PLEKHG7: variants seen among roughly 807,000 people sequenced by gnomAD.
PLEKHG7 encodes the protein pleckstrin homology domain-containing family G member 7.
A neutral mutation model predicts 85.2 loss-of-function variants in PLEKHG7; 77 were observed. The ratio of observed to expected loss-of-function variants is 0.90; its 90% confidence interval spans 0.75 to 1.09. The LOEUF (loss-of-function observed/expected upper bound fraction) is 1.09. Among genes scored for constraint, PLEKHG7 ranks in the 50% least tolerant of loss-of-function variants. The pLI is 0.00. For missense variants in PLEKHG7, 777 were observed against 804.3 expected (o/e 0.97, Z 0.41); for synonymous variants, 301 against 302.4 (o/e 1.00, Z 0.05).
intron 9 of PLEKHG7, among the ~76,000 whole-genome samples, chr12:92,744,131 C>T (rs959993952): frequency 6.6e-6 from 1 of 152,348 alleles, no homozygotes; most frequent in African/African-American, 2.4e-5. Context: ...GACTTTGTTA[C>T]TGTCACTTCT....
chr12:92,756,655 C>T (rs1466735323), intron 13 of PLEKHG7, among the ~76,000 whole-genome samples: 2 of 152,198 alleles, frequency 1.3e-5, no homozygotes, highest in African/African-American at 4.8e-5. Flanking sequence ...CATACAAGAA[C>T]AACTTCGCTC....
chr12:92,749,976 ATTT>A (rs1565794570), intron 10 of PLEKHG7, among the ~76,000 whole-genome samples: 90 of 93,266 alleles, frequency 9.6e-4, no homozygotes, highest in Middle Eastern at 6.7e-3. Flanking sequence ...TTTATATTTT[ATTT>A]TATTTTATTA....
At position 92,724,156 on chromosome 12, in the gene PLEKHG7, T is replaced by C. The variant is rs182566659; in HGVS notation, c.531-4837T>C. On this transcript the variant is annotated intron_variant, in intron 3 of 16. Coordinates refer to ENST00000344636, the MANE Select transcript of PLEKHG7 (RefSeq NM_001377329.1). Reference sequence around the variant, plus strand: ...TCGGAGCACTCAGCATTTTATGTTATGTAATACCTTCTGAAGACCATTATA... The same window carrying C: ...TCGGAGCACTCAGCATTTTATGTTACGTAATACCTTCTGAAGACCATTATA... Among the ~76,000 whole-genome samples the C allele has an allele frequency of 2.8e-4, 42 of 152,342 alleles. 1 individual carries two copies. Among genetic ancestry groups the C allele is most frequent in the Admixed American group, 2.2e-3 (33 of 15,298 alleles).
chr12:92,755,726 C>A, intron 11 of PLEKHG7, 99 bp from the exon 12 acceptor site: 1 of 789,952 alleles, frequency 1.3e-6, no homozygotes, highest in South Asian at 1.5e-5. Flanking sequence ...GCTCCAGGGG[C>A]AGCCAGTGTT....
intron 13 of PLEKHG7, among the ~76,000 whole-genome samples, chr12:92,758,209 T>C (rs2136625820): frequency 6.6e-6 from 1 of 152,368 alleles, no homozygotes; most frequent in African/African-American, 2.4e-5. Context: ...TTTGGTTCAC[T>C]CCTTCCCTCT....
chr12:92,761,586 G>A (rs1872993593), intron 13 of PLEKHG7, among the ~76,000 whole-genome samples, 166 bp from the exon 14 acceptor site: 1 of 135,702 alleles, frequency 7.4e-6, no homozygotes, highest in African/African-American at 2.8e-5. Context: ...GAAGGAAAGA[G>A]AGAATGAAAA....
At chr12:92,727,136 C>A (rs903143462) in intron 3 of PLEKHG7, among the ~76,000 whole-genome samples, 4 of 152,142 alleles carry the variant, frequency 2.6e-5, no homozygotes, top group African/African-American at 9.7e-5. Flanking sequence ...TCATCACAGC[C>A]CTCCCCTGCC....
chr12:92,740,072 A>G (rs548901572), intron 7 of PLEKHG7, among the ~76,000 whole-genome samples: 13 of 152,344 alleles, frequency 8.5e-5, no homozygotes, highest in African/African-American at 3.1e-4. Context: ...ACACTAATGA[A>G]ATAATACAGG....
chr12:92,745,205 A>T (rs148364563), intron 9 of PLEKHG7, among the ~76,000 whole-genome samples: 1 of 152,358 alleles, frequency 6.6e-6, no homozygotes, highest in East Asian at 1.9e-4. Flanking sequence ...AAATCAAGAC[A>T]GCCTAAATAG....
intron 10 of PLEKHG7, among the ~76,000 whole-genome samples, chr12:92,751,377 T>A (rs1872686162): frequency 6.6e-6 from 1 of 152,124 alleles, no homozygotes; most frequent in Non-Finnish European, 1.5e-5. Context: ...AGGAGAAGAT[T>A]GAATTGTAGA....
chr12:92,747,027 A>T (rs919680136), intron 10 of PLEKHG7, among the ~76,000 whole-genome samples: 26 of 152,340 alleles, frequency 1.7e-4, no homozygotes, highest in African/African-American at 6.3e-4. Context: ...AAAATAGACA[A>T]ATAGTACTAT....
chr12:92,707,368 GGCACTTTGAGAAAGGAT>G, intron 2 of PLEKHG7: 2 of 1,428,740 alleles, frequency 1.4e-6, no homozygotes, highest in Non-Finnish European at 1.8e-6. Flanking sequence ...TGTCCTTAGA[GGCACTTTGAGAAAGGAT>G]GCACCAAGGC....
chr12:92,729,618 T>A (rs1274399989), intron 4 of PLEKHG7, among the ~76,000 whole-genome samples: 1 of 152,052 alleles, frequency 6.6e-6, no homozygotes, highest in Non-Finnish European at 1.5e-5. Flanking sequence ...TGCATCTTCA[T>A]CTCATTTGTG....
intron 3 of PLEKHG7, among the ~76,000 whole-genome samples, chr12:92,711,340 G>A (rs1027844961): frequency 1.3e-5 from 2 of 152,192 alleles, no homozygotes; most frequent in Non-Finnish European, 2.9e-5. Flanking sequence ...CATTGGTGCA[G>A]ACTGGGGGAG....
chr12:92,745,608 T>C lies in PLEKHG7; in HGVS notation c.1251+17T>C. The C allele has an allele frequency of 3.2e-6, 5 of 1,573,766 alleles. No homozygotes were observed. Among genetic ancestry groups the C allele is most frequent in the Non-Finnish European group, 4.4e-6 (5 of 1,144,210 alleles). ...TATTTAAAAGTAAAGTATCATTTTC[T>C]TTTCTTTTGTATTTTTGCTGATGCT... On this transcript the variant is annotated intron_variant, in intron 10 of 16. Coordinates refer to ENST00000344636, the MANE Select transcript of PLEKHG7 (RefSeq NM_001377329.1).
intron 4 of PLEKHG7, among the ~76,000 whole-genome samples, chr12:92,730,072 T>C (rs1453201728): frequency 2.0e-5 from 3 of 152,198 alleles, no homozygotes; most frequent in Non-Finnish European, 2.9e-5. Flanking sequence ...TCTGTTATCA[T>C]CTGTCATCTA....
At chr12:92,719,353 C>T (rs1036836573) in intron 3 of PLEKHG7, among the ~76,000 whole-genome samples, 30 of 152,296 alleles carry the variant, frequency 2.0e-4, no homozygotes, top group African/African-American at 6.7e-4. Flanking sequence ...ATATTTCTTG[C>T]ATAGGGTAAA....
intron 3 of PLEKHG7, among the ~76,000 whole-genome samples, chr12:92,726,561 G>C (rs895083636): frequency 6.6e-6 from 1 of 152,152 alleles, no homozygotes; most frequent in African/African-American, 2.4e-5. Flanking sequence ...TGAGAAAACT[G>C]TGAGTCCCTA....
intron 16 of PLEKHG7, among the ~76,000 whole-genome samples, 196 bp from the exon 17 acceptor site, chr12:92,769,892 C>A (rs1226317170): frequency 6.6e-6 from 1 of 152,150 alleles, no homozygotes. Context: ...AGCCCATCTG[C>A]ATTTTCCTGT....
Sources: gnomAD v4.1 joint callset for allele counts (sites outside exome capture counted in the v4.1 genomes callset) on GRCh38, gnomAD v4.1.1 for gene constraint, MANE v1.5 for transcripts, NCBI Gene and HGNC (gene_info 2026-07-23, HGNC 2026-07-21) for gene names.